Variants in SGCZ observed in about 807,000 individuals in gnomAD.
The protein encoded by SGCZ is zeta-sarcoglycan.
Under a neutral mutation model 41.3 loss-of-function variants are expected in SGCZ, and 40 were observed. The observed-to-expected ratio is 0.97, with a 90% confidence interval of 0.75 to 1.26. SGCZ has a LOEUF of 1.26. SGCZ is among the 50% of genes most tolerant of loss of function. SGCZ has a pLI of 0.00. For missense variants in SGCZ, 552 were observed against 369.8 expected, an observed-to-expected ratio of 1.49 and a Z score of -4.04; for synonymous variants, 206 against 137.5, an observed-to-expected ratio of 1.50 and a Z score of -3.49.
chr8:14,631,400 A>T (rs1228740213), intron 1 of SGCZ, among the ~76,000 whole-genome samples: 1 of 152,030 alleles, frequency 6.6e-6, no homozygotes, highest in East Asian at 1.9e-4. Context: ...TTTCTCTTCC[A>T]TGTTGAGTGG....
chr8:14,546,891 G>C (rs1309638660), intron 2 of SGCZ, among the ~76,000 whole-genome samples: 1 of 152,096 alleles, frequency 6.6e-6, no homozygotes, highest in African/African-American at 2.4e-5. Context: ...TTGTTCATCA[G>C]TGTGACCTTG....
chr8:14,784,349 G>T (rs554124626), intron 1 of SGCZ, among the ~76,000 whole-genome samples: 5 of 151,758 alleles, frequency 3.3e-5, no homozygotes, highest in Admixed American at 2.6e-4. Flanking sequence ...ACCATGACTG[G>T]CCCCTTTTCA....
At chr8:14,651,111 C>T (rs551976235) in intron 1 of SGCZ, among the ~76,000 whole-genome samples, 5 of 151,972 alleles carry the variant, frequency 3.3e-5, no homozygotes, top group African/African-American at 1.2e-4. Flanking sequence ...CCAATGGTAA[C>T]CACATATACA....
intron 1 of SGCZ, among the ~76,000 whole-genome samples, chr8:15,022,939 G>A (rs936631): frequency 0.31 from 47,654 of 151,940 alleles, 7,563 homozygotes; most frequent in South Asian, 0.45. Flanking sequence ...CTCACATTCC[G>A]ACAGTAAGCC....
chr8:14,266,331 A>G (rs1799864517), intron 3 of SGCZ, among the ~76,000 whole-genome samples: 1 of 152,150 alleles, frequency 6.6e-6, no homozygotes, highest in Non-Finnish European at 1.5e-5. Flanking sequence ...TGAGACATTA[A>G]TGAAATACAT....
intron 1 of SGCZ, among the ~76,000 whole-genome samples, chr8:15,076,152 G>A (rs1183185366): frequency 6.6e-6 from 1 of 152,114 alleles, no homozygotes; most frequent in East Asian, 1.9e-4. Flanking sequence ...AATATCTGAA[G>A]ATATTGTGAG....
At chr8:14,539,087 C>A (rs945003470) in intron 2 of SGCZ, among the ~76,000 whole-genome samples, 1 of 151,868 alleles carries the variant, frequency 6.6e-6, no homozygotes, top group Non-Finnish European at 1.5e-5. Flanking sequence ...TATGAGTGGG[C>A]CTCATCCAAT....
chr8:15,013,579 T>C lies in SGCZ; in HGVS notation c.39+224006A>G, dbSNP rs542662407. 2.0e-5 allele frequency among the ~76,000 whole-genome samples: 3 copies of C among 152,200 alleles called. No individual in the cohort carries two copies. In the South Asian group the frequency reaches 6.2e-4, roughly 32 times the overall value. ...CCTCTATAGGTATCTAAAAGCTAAA[T>C]GTGAAAGGCTGCATGGTGTTGTGGA... On this transcript the variant is annotated intron_variant, in intron 1 of 7. Transcript: ENST00000382080.
intron 3 of SGCZ, among the ~76,000 whole-genome samples, chr8:14,301,172 A>C (rs1801173318): frequency 6.6e-6 from 1 of 151,964 alleles, no homozygotes; most frequent in Admixed American, 6.6e-5. Context: ...CATCTAGTTT[A>C]GTATTAACAT....
chr8:14,878,624 T>G (rs1019765855), intron 1 of SGCZ, among the ~76,000 whole-genome samples: 6 of 152,170 alleles, frequency 3.9e-5, no homozygotes, highest in African/African-American at 1.4e-4. Flanking sequence ...AACAAACGTA[T>G]GCATATGGAA....
chr8:15,183,986 G>A (rs914245530), intron 1 of SGCZ, among the ~76,000 whole-genome samples: 1 of 152,150 alleles, frequency 6.6e-6, no homozygotes, highest in African/African-American at 2.4e-5. Flanking sequence ...AAAGAATGAT[G>A]TACAAACTAC....
intron 4 of SGCZ, among the ~76,000 whole-genome samples, chr8:14,230,782 C>G (rs564731283): frequency 1.4e-4 from 21 of 148,868 alleles, no homozygotes; most frequent in Non-Finnish European, 2.8e-4. Flanking sequence ...GGTGGTTACT[C>G]AAACATCTCT....
At position 15,146,648 on chromosome 8, in the gene SGCZ, C is replaced by T. The variant is rs268444; in HGVS notation, c.39+90937G>A. Among the ~76,000 whole-genome samples, 389 of 152,302 alleles carry T rather than the reference C, an allele frequency of 2.6e-3. 3 individuals carry two copies. Among genetic ancestry groups the T allele is most frequent in the African/African-American group, 8.7e-3 (363 of 41,560 alleles). ...ATGAAGATAATACTAAAAGAAATCT[C>T]ACAGTTGAAAGTAACCTCTGTGAGC... On this transcript the variant is annotated intron_variant, in intron 1 of 7. Transcript: ENST00000382080.
chr8:14,855,791 C>T (rs373280478), intron 1 of SGCZ, among the ~76,000 whole-genome samples: 12 of 152,210 alleles, frequency 7.9e-5, no homozygotes, highest in African/African-American at 2.2e-4. Context: ...ATGTTAAATT[C>T]CAAAGGCAGC....
intron 2 of SGCZ, among the ~76,000 whole-genome samples, chr8:14,337,531 C>T (rs768833840): frequency 6.6e-6 from 1 of 151,934 alleles, no homozygotes; most frequent in Non-Finnish European, 1.5e-5. Context: ...GAATGACTCC[C>T]GGAAGTATGG....
intron 1 of SGCZ, among the ~76,000 whole-genome samples, chr8:15,001,756 A>G (rs1802430562): frequency 1.3e-5 from 2 of 151,326 alleles, no homozygotes; most frequent in African/African-American, 2.4e-5. Context: ...AAAAAAGAGA[A>G]AAAAGGAGTT....
At position 14,524,469 on chromosome 8, in the gene SGCZ, G is replaced by C. The variant is rs140192923; in HGVS notation, c.234+30263C>G. Among the ~76,000 whole-genome samples the C allele has an allele frequency of 7.9e-5, 12 of 151,934 alleles. No individual in the cohort carries two copies. The East Asian group carries it at 2.3e-3, about 30-fold the overall frequency. On this transcript the variant is annotated intron_variant, in intron 2 of 7. Transcript: ENST00000382080. The stretch of plus-strand genomic sequence containing the variant: ...TGACCCTCAGTGATACTGTAGTAGG[G>C]GTCTCCTTCCCAAAAGGCAAGAAAG...
chr8:14,702,986 C>T (rs4548184), intron 1 of SGCZ, among the ~76,000 whole-genome samples: 44,307 of 148,608 alleles, frequency 0.3, 6,980 homozygotes, highest in East Asian at 0.41. Context: ...GACAGACAGA[C>T]AGATAGATTT....
intron 1 of SGCZ, among the ~76,000 whole-genome samples, chr8:15,225,250 CA>C (rs1402321697): frequency 6.6e-6 from 1 of 151,852 alleles, no homozygotes. Context: ...TTTCCTACCA[CA>C]ATGCAATTTA....
Sources: allele counts gnomAD v4.1 joint callset (sites outside exome capture counted in the v4.1 genomes callset), GRCh38; gene constraint gnomAD v4.1.1; transcripts MANE v1.5; gene names NCBI Gene and HGNC (gene_info 2026-07-23, HGNC 2026-07-21).